BPTF: variants seen among roughly 807,000 people sequenced by gnomAD.
The protein encoded by BPTF is bromodomain PHD finger transcription factor, also known as nucleosome-remodeling factor subunit BPTF.
A neutral mutation model predicts 292.5 loss-of-function variants in BPTF; 18 were observed. That is an observed-to-expected ratio of 0.06 (90% confidence interval 0.04 to 0.09). The LOEUF (loss-of-function observed/expected upper bound fraction) is 0.09. BPTF is among the 10% of genes least tolerant of loss of function. The probability of loss-of-function intolerance (pLI) is 1.00; values close to 1 mark genes in which losing one functional copy is unlikely to be tolerated. For synonymous variants in BPTF, 1,225 were observed against 1,251.9 expected (o/e 0.98, Z 0.45); for missense variants, 2,726 against 3,498.7 (o/e 0.78, Z 5.57).
intron 4 of BPTF, chr17:67,891,540 T>C (rs2061111842): frequency 4.7e-6 from 1 of 213,008 alleles, no homozygotes; most frequent in Non-Finnish European, 9.2e-6. Context: ...TATTATTATG[T>C]TTGTTACTTG....
chr17:67,856,957 A>T (rs182396150), intron 2 of BPTF, among the ~76,000 whole-genome samples: 1 of 152,024 alleles, frequency 6.6e-6, no homozygotes. Flanking sequence ...CCAGTTCCCT[A>T]TTCTAGAGAC....
intron 4 of BPTF, among the ~76,000 whole-genome samples, chr17:67,878,963 T>G (rs2060213457): frequency 6.6e-6 from 1 of 152,068 alleles, no homozygotes; most frequent in Admixed American, 6.6e-5. Context: ...AATATTTTGT[T>G]TAGGATTTTT....
At chr17:67,969,408 C>T (rs1048825551) in intron 26 of BPTF, among the ~76,000 whole-genome samples, 6 of 141,770 alleles carry the variant, frequency 4.2e-5, no homozygotes, top group South Asian at 2.2e-4. Context: ...GACAAGATCG[C>T]GCCACTGCAC....
chr17:67,922,525 A>G (rs7208914), intron 13 of BPTF, among the ~76,000 whole-genome samples: 273 of 152,290 alleles, frequency 1.8e-3, no homozygotes, highest in African/African-American at 6.3e-3. Context: ...GGCTTGGAAT[A>G]GTGCTCCAGG....
chr17:67,978,642 A>G (rs1170273056), intron 27 of BPTF, among the ~76,000 whole-genome samples: 1 of 152,144 alleles, frequency 6.6e-6, no homozygotes, highest in Non-Finnish European at 1.5e-5. Context: ...GGTTCAGGAA[A>G]GCAATGAGAA....
chr17:67,900,339 A>C (rs1342683097), intron 7 of BPTF, among the ~76,000 whole-genome samples: 1 of 151,788 alleles, frequency 6.6e-6, no homozygotes, highest in Non-Finnish European at 1.5e-5. Context: ...TCCTGTGCTC[A>C]AGTGATCCAC....
At chr17:67,864,304 A>G (rs1598318388) in intron 2 of BPTF, among the ~76,000 whole-genome samples, 1 of 151,866 alleles carries the variant, frequency 6.6e-6, no homozygotes, top group Non-Finnish European at 1.5e-5. Context: ...AGGCGGGCGG[A>G]TTGCTTGAGG....
At chr17:67,923,926 C>T (rs948490371) in intron 14 of BPTF, among the ~76,000 whole-genome samples, 32 of 152,138 alleles carry the variant, frequency 2.1e-4, no homozygotes, top group African/African-American at 7.2e-4. Flanking sequence ...TGGCTTACTG[C>T]AACCTCCCAG....
At chr17:67,964,103 T>C in intron 24 of BPTF, 109 bp from the exon 25 acceptor site, 2 of 1,105,380 alleles carry the variant, frequency 1.8e-6, no homozygotes, top group Admixed American at 2.3e-5. Flanking sequence ...ACCATAATAC[T>C]AAAACTATTT....
intron 1 of BPTF, among the ~76,000 whole-genome samples, chr17:67,850,437 C>T (rs759852569): frequency 3.4e-4 from 52 of 152,260 alleles, no homozygotes; most frequent in Middle Eastern, 3.4e-3. Context: ...AGCATGATCT[C>T]GGCTCACTGC....
rs1451772616 is a variant in BPTF, at chr17:67,893,958, CA to C, written c.2412-73del. Reference sequence around the variant, plus strand: ...TTTATACCTGGAATCAGATGGAGGCCAAAGTTACAACTATTGTGCTTTTAAT... The same window carrying C: ...TTTATACCTGGAATCAGATGGAGGCCAAGTTACAACTATTGTGCTTTTAAT... On this transcript the variant is annotated intron_variant, in intron 6 of 27. Transcript: ENST00000306378. 31 of 1,549,504 alleles carry C rather than the reference CA, an allele frequency of 2.0e-5. 2 individuals are homozygous for C. The Admixed American group carries it at 5.4e-4, about 27-fold the overall frequency.
chr17:67,851,919 CT>C (rs34000805), intron 1 of BPTF, among the ~76,000 whole-genome samples: 45,207 of 141,620 alleles, frequency 0.32, 7,994 homozygotes, highest in East Asian at 0.67. Context: ...GATTGGGGTC[CT>C]TTTTTTTTTT....
chr17:67,869,827 C>CAAAAAAAAAAAAAAAAAAA (rs772941425), intron 3 of BPTF, among the ~76,000 whole-genome samples: 1 of 56,446 alleles, frequency 1.8e-5, no homozygotes. Context: ...ACTAAAAATA[C>CAAAAAAAAAAAAAAAAAAA]AAAAAAAAAA....
Position 67,911,941 on chromosome 17 carries a change from G to C in BPTF, c.4057G>C (p.Gly1353Arg). The C allele has an allele frequency of 6.2e-7, 1 of 1,614,116 alleles. No individual in the cohort carries two copies. The highest frequency in any genetic ancestry group is 1.1e-5 in the South Asian group (1 of 91,076). Residue 1353 changes from glycine (G) to arginine (R), a missense_variant, in exon 11 of 28, where the codon GGG becomes CGG. Gly to Arg is a moderately radical substitution (Grantham distance 125, BLOSUM62 -2). Around this residue, in one of 22 missense-constraint regions of BPTF, gnomAD observed 713 missense variants for 714.9 expected, o/e 1.00. Coordinates refer to ENST00000306378, the MANE Select transcript of BPTF (RefSeq NM_182641.4). ...GNCEDRLPVK[G>R]TEANGKKPSQ... The stretch of plus-strand genomic sequence containing the variant: ...CTGTGAGGACAGGCTGCCGGTCAAG[G>C]GGACTGAAGCAAATGGTAAAAAACC...
intron 24 of BPTF, chr17:67,963,278 A>T (rs2067695729): frequency 1.4e-6 from 2 of 1,454,914 alleles, no homozygotes; most frequent in South Asian, 2.8e-5. Context: ...AGATTTAAGT[A>T]CCATGCAGCT....
At position 67,853,601 on chromosome 17, in the gene BPTF, A is replaced by T. The variant is rs1179335293; in HGVS notation, c.614-339A>T. Among the ~76,000 whole-genome samples the T allele has an allele frequency of 7.3e-5, 11 of 151,064 alleles. No individual in the cohort carries two copies. The East Asian group carries it at 1.7e-3, about 24-fold the overall frequency. On this transcript the variant is annotated intron_variant, in intron 1 of 27. Transcript: ENST00000306378. ...TCATTCACAAATGCAGTTATTTATT[A>T]TTATTATTATTATTATTTCCTTAGA...
intron 27 of BPTF, among the ~76,000 whole-genome samples, chr17:67,976,730 G>GAAA (rs1568232992): frequency 4.9e-5 from 7 of 144,162 alleles, no homozygotes; most frequent in African/African-American, 1.8e-4. Context: ...AATAAAAGAA[G>GAAA]AATTTCCTGA....
At chr17:67,930,261 T>C (rs563438781) in intron 17 of BPTF, among the ~76,000 whole-genome samples, 25 of 152,156 alleles carry the variant, frequency 1.6e-4, no homozygotes, top group Admixed American at 5.9e-4. Flanking sequence ...TGCAATGGCA[T>C]GATCTCTGCT....
chr17:67,960,759 G>A (rs1287401677), intron 24 of BPTF, among the ~76,000 whole-genome samples: 1 of 152,160 alleles, frequency 6.6e-6, no homozygotes, highest in South Asian at 2.1e-4. Context: ...ACCTTAAGTG[G>A]ATACCTAATT....
Sources: gnomAD v4.1 joint callset for allele counts (sites outside exome capture counted in the v4.1 genomes callset) on GRCh38, gnomAD v4.1.1 for gene constraint, gnomAD v4.1.1 regional missense constraint, MANE v1.5 for transcripts, NCBI Gene and HGNC (gene_info 2026-07-23, HGNC 2026-07-21) for gene names.